The following PPP3CA variants were observed in gnomAD, a reference collection of about 807,000 sequenced individuals.
The protein encoded by PPP3CA is protein phosphatase 3 catalytic subunit alpha.
In PPP3CA, 14 loss-of-function variants were observed where a neutral mutation model predicts 66.5. The observed-to-expected ratio is 0.21, with a 90% CI of 0.14 to 0.33. The LOEUF (loss-of-function observed/expected upper bound fraction) is 0.33, where lower values mean the gene tolerates loss of function less well. Ranked by LOEUF, PPP3CA falls within the 10% of genes least tolerant of loss-of-function variation. The probability of loss-of-function intolerance (pLI) is 1.00; values close to 1 mark genes in which losing one functional copy is unlikely to be tolerated. For missense variants in PPP3CA, 317 were observed against 639.5 expected (o/e 0.50, Z 5.44); for synonymous variants, 232 against 226.2 (o/e 1.03, Z -0.23).
chr4:101,258,841 C>G (rs1225041413), intron 1 of PPP3CA, among the ~76,000 whole-genome samples: 1 of 152,046 alleles, frequency 6.6e-6, no homozygotes, highest in Non-Finnish European at 1.5e-5. Flanking sequence ...TAGGAGAAAC[C>G]AGACAAGTGA....
intron 1 of PPP3CA, among the ~76,000 whole-genome samples, chr4:101,200,522 T>A (rs144550788): frequency 2.0e-4 from 31 of 152,298 alleles, no homozygotes; most frequent in African/African-American, 5.8e-4. Flanking sequence ...CACCTCTTCC[T>A]GGAGTAGTCC....
chr4:101,066,122 G>A (rs1042793541), intron 8 of PPP3CA, among the ~76,000 whole-genome samples: 4 of 152,076 alleles, frequency 2.6e-5, no homozygotes, highest in Non-Finnish European at 5.9e-5. Context: ...TTAGAAAGAG[G>A]TAAATCTCAC....
chr4:101,347,114 G>C lies in PPP3CA; in HGVS notation c.-318C>G, dbSNP rs1261278723. 1 of 486,860 alleles carries C rather than the reference G, an allele frequency of 2.1e-6. No homozygotes were observed. The highest frequency in any genetic ancestry group is 3.7e-6 in the Non-Finnish European group (1 of 270,598). 30.2% of individuals were successfully genotyped at this position (486,860 alleles called of 1,614,324 possible). On this transcript the variant is annotated 5_prime_UTR_variant, in exon 1 of 14. Coordinates refer to ENST00000394854, the MANE Select transcript of PPP3CA (RefSeq NM_000944.5). ...GGTTCTTCTTTTATTCTTGGGGGAA[G>C]GGGGATGGGGAGGAGAAGCGCACAC...
At chr4:101,242,536 TA>T (rs548222805) in intron 1 of PPP3CA, among the ~76,000 whole-genome samples, 2 of 151,186 alleles carry the variant, frequency 1.3e-5, no homozygotes, top group South Asian at 2.1e-4. Flanking sequence ...TTGGTTTAAA[TA>T]AAAAAAAAGA....
chr4:101,208,892 G>A (rs941921170), intron 1 of PPP3CA, among the ~76,000 whole-genome samples: 5 of 151,740 alleles, frequency 3.3e-5, no homozygotes, highest in Admixed American at 3.3e-4. Flanking sequence ...TCTTTATATC[G>A]GGTTTATTTT....
At chr4:101,156,479 G>C (rs369994976) in intron 2 of PPP3CA, among the ~76,000 whole-genome samples, 1 of 152,130 alleles carries the variant, frequency 6.6e-6, no homozygotes, top group South Asian at 2.1e-4. Context: ...TCGGGAGTTC[G>C]AGACCAGCCT....
intron 1 of PPP3CA, among the ~76,000 whole-genome samples, chr4:101,212,552 A>AC (rs1179693745): frequency 1.3e-5 from 2 of 152,022 alleles, no homozygotes; most frequent in African/African-American, 2.4e-5. Context: ...TGTGCAGCAA[A>AC]CCACCATGGC....
chr4:101,106,468 A>AG (rs1560605272), intron 3 of PPP3CA, among the ~76,000 whole-genome samples: 10 of 46,124 alleles, frequency 2.2e-4, no homozygotes, highest in South Asian at 7.4e-4. Flanking sequence ...AAGAAAAGAA[A>AG]AGAAAAGAAA....
intron 1 of PPP3CA, among the ~76,000 whole-genome samples, chr4:101,315,913 A>C (rs1728870899): frequency 6.6e-6 from 1 of 152,098 alleles, no homozygotes; most frequent in Admixed American, 6.5e-5. Context: ...ACTGCTGAAA[A>C]CCTAAAACAA....
At chr4:101,316,388 A>G (rs1232000199) in intron 1 of PPP3CA, among the ~76,000 whole-genome samples, 1 of 152,132 alleles carries the variant, frequency 6.6e-6, no homozygotes, top group East Asian at 1.9e-4. Context: ...TCATCTCATT[A>G]TAAGCAATCA....
At chr4:101,287,427 AC>A (rs1727878975) in intron 1 of PPP3CA, among the ~76,000 whole-genome samples, 1 of 152,230 alleles carries the variant, frequency 6.6e-6, no homozygotes, top group Non-Finnish European at 1.5e-5. Context: ...ACTGATGTTG[AC>A]CTTTACTTCT....
At chr4:101,306,824 T>C (rs1446758695) in intron 1 of PPP3CA, among the ~76,000 whole-genome samples, 1 of 151,512 alleles carries the variant, frequency 6.6e-6, no homozygotes, top group Non-Finnish European at 1.5e-5. Flanking sequence ...TATACTCTGA[T>C]TTTTTTTTGT....
At chr4:101,302,286 C>G (rs1006025583) in intron 1 of PPP3CA, among the ~76,000 whole-genome samples, 1 of 152,180 alleles carries the variant, frequency 6.6e-6, no homozygotes, top group African/African-American at 2.4e-5. Context: ...TCAGTTTGAA[C>G]ATCTTTAAAA....
At position 101,025,873 on chromosome 4, in the gene PPP3CA, TATTGCTGCTATTACTGCC is replaced by T; in HGVS notation, c.1540_1557del (p.Gly514_Asn519del). 8.8e-7 allele frequency: 1 copy of T among 1,142,690 alleles called. No individual in the cohort carries two copies. The highest frequency in any genetic ancestry group is 1.2e-6 in the Non-Finnish European group (1 of 822,306). The allele number at this position is 1,142,690 out of a possible 1,614,324, so 70.8% of individuals were successfully genotyped here. ...AAGTGAACAGGAAGTGGTCACTGAA[TATTGCTGCTATTACTGCC>T]ATTGCTGTCCGTGCCGTTAGTCTCT... On this transcript the variant is annotated inframe_deletion, in exon 14 of 14. Coordinates refer to ENST00000394854, the MANE Select transcript of PPP3CA (RefSeq NM_000944.5).
intron 10 of PPP3CA, among the ~76,000 whole-genome samples, chr4:101,041,268 T>A (rs1727502534): frequency 6.6e-6 from 1 of 151,978 alleles, no homozygotes; most frequent in South Asian, 2.1e-4. Context: ...CTTGTTACAT[T>A]TTCTAAATTA....
intron 6 of PPP3CA, among the ~76,000 whole-genome samples, chr4:101,085,155 G>A (rs1729609036): frequency 6.6e-6 from 1 of 152,230 alleles, no homozygotes; most frequent in African/African-American, 2.4e-5. Context: ...AAGGGGCACA[G>A]AATAGGTTCT....
In PPP3CA at chr4:101,108,726, G is replaced by A. The variant is rs2063057; in HGVS notation, c.384+228C>T. ...GGTTCTGCTCACTAGCAGAGATCAC[G>A]CCACTGCACTCCAGCCTGGGCGACA... On this transcript the variant is annotated intron_variant, in intron 3 of 13. Transcript: ENST00000394854. 0.26 allele frequency among the ~76,000 whole-genome samples: 40,100 copies of A among 152,088 alleles called. 5,499 individuals are homozygous for A. The highest frequency in any genetic ancestry group is 0.3 in the African/African-American group (12,493 of 41,474).
chr4:101,145,031 G>C (rs1239455573), intron 2 of PPP3CA, among the ~76,000 whole-genome samples: 1 of 151,886 alleles, frequency 6.6e-6, no homozygotes, highest in African/African-American at 2.4e-5. Flanking sequence ...TTCTTTCCTA[G>C]TCTAGTTCTT....
chr4:101,305,681 T>C (rs970572047), intron 1 of PPP3CA, among the ~76,000 whole-genome samples: 8 of 152,212 alleles, frequency 5.3e-5, no homozygotes, highest in African/African-American at 1.9e-4. Context: ...ATGAGAGTTA[T>C]AATATCAAAA....
Sources: allele counts gnomAD v4.1 joint callset (sites outside exome capture counted in the v4.1 genomes callset), GRCh38; gene constraint gnomAD v4.1.1; transcripts MANE v1.5; gene names NCBI Gene and HGNC (gene_info 2026-07-23, HGNC 2026-07-21).